RUBCNL: variants seen among roughly 807,000 people sequenced by gnomAD.
RUBCNL encodes the protein protein associated with UVRAG as autophagy enhancer.
Under a neutral mutation model 69.5 loss-of-function variants are expected in RUBCNL, and 62 were observed. That is an observed-to-expected ratio of 0.89 (90% CI 0.73 to 1.10). The LOEUF (loss-of-function observed/expected upper bound fraction) is 1.10, where lower values mean the gene tolerates loss of function less well. Among genes scored for constraint, RUBCNL ranks in the 50% least tolerant of loss-of-function variants. RUBCNL has a pLI of 0.00. For missense variants in RUBCNL, 768 were observed against 798.1 expected, an observed-to-expected ratio of 0.96 and a Z score of 0.45; for synonymous variants, 291 against 303.6, an observed-to-expected ratio of 0.96 and a Z score of 0.43.
chr13:46,345,152 T>C (rs576265603), intron 13 of RUBCNL, among the ~76,000 whole-genome samples: 1 of 152,340 alleles, frequency 6.6e-6, no homozygotes, highest in East Asian at 1.9e-4. Flanking sequence ...AGCCTCCTGT[T>C]CCATTGAATC....
At chr13:46,383,721 A>G (rs1314099202) in intron 1 of RUBCNL, among the ~76,000 whole-genome samples, 2 of 152,246 alleles carry the variant, frequency 1.3e-5, no homozygotes, top group Non-Finnish European at 2.9e-5. Flanking sequence ...TCAGTATATG[A>G]GCCAAACCCA....
rs1351750613 is a variant in RUBCNL at position 46,339,296 on chromosome 13, T to C, written c.*4089A>G. Among the ~76,000 whole-genome samples the C allele has an allele frequency of 1.3e-5, 2 of 152,202 alleles. No individual in the cohort carries two copies. Among genetic ancestry groups the C allele is most frequent in the South Asian group, 2.1e-4 (1 of 4,834 alleles). ...AGGGGAACTACGGTTTTCCTTCCCA[T>C]ACCAGTTGAGAAATTATTTAAAGAC... On this transcript the variant is annotated 3_prime_UTR_variant, in exon 15 of 15. Transcript: ENST00000429979.
rs1216707087 is a variant in RUBCNL, at chr13:46,338,811, C to G, written c.*4574G>C. On this transcript the variant is annotated 3_prime_UTR_variant, in exon 15 of 15. Coordinates refer to ENST00000429979, the MANE Select transcript of RUBCNL (RefSeq NM_025113.5). The stretch of plus-strand genomic sequence containing the variant: ...GTGGCTCACACCTGTAATCCAAGCA[C>G]TTTGGGAGGCCGAGGCGGGTAGATC... Among the ~76,000 whole-genome samples the G allele has an allele frequency of 6.6e-6, 1 of 152,056 alleles. No individual in the cohort carries two copies. Among genetic ancestry groups the G allele is most frequent in the Non-Finnish European group, 1.5e-5 (1 of 68,014 alleles).
chr13:46,361,635 T>C (rs1402766500), intron 7 of RUBCNL, 62 bp from the exon 8 acceptor site: 11 of 1,514,176 alleles, frequency 7.3e-6, no homozygotes, highest in Non-Finnish European at 9.0e-6. Flanking sequence ...TTCAGGGTCT[T>C]CCTGAGGTTT....
Position 46,361,502 on chromosome 13 carries a change from C to T in RUBCNL, c.1058G>A (p.Cys353Tyr), listed in dbSNP as rs1219370049. Reference sequence around the variant, plus strand: ...AGAATTAACTACTGACAGTATCCAGCACTTCTGGAACACGCGGTACAGCTC... The same window carrying T: ...AGAATTAACTACTGACAGTATCCAGTACTTCTGGAACACGCGGTACAGCTC... ...AKELYRVFQK[C>Y]WILSVVNSQL... The change falls in exon 8 of 15, where the codon TGC becomes TAC. Residue 353 changes from cysteine (C) to tyrosine (Y), a missense_variant. Cys to Tyr is a radical substitution (Grantham distance 194, BLOSUM62 -2). Coordinates refer to ENST00000429979, the MANE Select transcript of RUBCNL (RefSeq NM_025113.5). 2 of 1,613,864 alleles carry T rather than the reference C, an allele frequency of 1.2e-6. No individual in the cohort carries two copies. The highest frequency in any genetic ancestry group is 1.7e-6 in the Non-Finnish European group (2 of 1,179,820).
At chr13:46,383,197 A>C (rs1289424069) in intron 1 of RUBCNL, among the ~76,000 whole-genome samples, 1 of 152,226 alleles carries the variant, frequency 6.6e-6, no homozygotes, top group Non-Finnish European at 1.5e-5. Context: ...GTTTTCTAAA[A>C]ACCTTCAATT....
chr13:46,387,041 T>TCCA (rs1388281129), intron 1 of RUBCNL, 93 bp downstream of exon 1: 1 of 955,332 alleles, frequency 1.0e-6, no homozygotes, highest in Non-Finnish European at 1.2e-6. Context: ...ACTTCCACCA[T>TCCA]CCAACCTCTC....
chr13:46,343,572 T>A, intron 14 of RUBCNL, 75 bp from the exon 15 acceptor site: 1 of 1,475,940 alleles, frequency 6.8e-7, no homozygotes, highest in East Asian at 2.3e-5. Context: ...TTCGTCTCCA[T>A]CCTAGGGAGG....
In RUBCNL at chr13:46,377,691, G is replaced by A. The variant is rs372319625; in HGVS notation, c.-123+199C>T. ...ACCAACGTCCTCATAAAAAACAACC[G>A]TCAAAAGCAGGTGCTTTCTTCACTT... On this transcript the variant is annotated intron_variant, in intron 2 of 14. Coordinates refer to ENST00000429979, the MANE Select transcript of RUBCNL (RefSeq NM_025113.5). 2.8e-4 allele frequency among the ~76,000 whole-genome samples: 43 copies of A among 152,330 alleles called. 1 individual carries two copies. The highest frequency in any genetic ancestry group is 9.1e-4 in the African/African-American group (38 of 41,568).
Position 46,339,731 on chromosome 13 carries a change from C to T in RUBCNL, c.*3654G>A, listed in dbSNP as rs574114777. On this transcript the variant is annotated 3_prime_UTR_variant, in exon 15 of 15. Coordinates refer to ENST00000429979, the MANE Select transcript of RUBCNL (RefSeq NM_025113.5). ...AAAATTATCCAGGCCTGGTGGCGTGCGCCTGCAATCCCAGCTACTCGGGAG... is the reference window on the plus strand; with the variant it reads ...AAAATTATCCAGGCCTGGTGGCGTGTGCCTGCAATCCCAGCTACTCGGGAG... Among the ~76,000 whole-genome samples the T allele has an allele frequency of 1.7e-4, 26 of 152,090 alleles. No homozygotes were observed. The highest frequency in any genetic ancestry group is 5.3e-4 in the African/African-American group (22 of 41,492).
At chr13:46,359,079 C>T (rs2048553583) in intron 9 of RUBCNL, among the ~76,000 whole-genome samples, 1 of 151,974 alleles carries the variant, frequency 6.6e-6, no homozygotes, top group African/African-American at 2.4e-5. Flanking sequence ...AGGAGTCCAA[C>T]ACCAGCCTGG....
In RUBCNL at chr13:46,381,372, C is replaced by CATATAT. The variant is rs748468393; in HGVS notation, c.-238-3373_-238-3368dup. 7.6e-3 allele frequency among the ~76,000 whole-genome samples: 1,143 copies of CATATAT among 149,604 alleles called. 18 individuals carry two copies. The highest frequency in any genetic ancestry group is 0.026 in the African/African-American group (1,073 of 40,806). ...AAAAAGCCAGAAACAAAAGACATTT[C>CATATAT]ATATATATATATATATAAAATGTCC... On this transcript the variant is annotated intron_variant, in intron 1 of 14. Coordinates refer to ENST00000429979, the MANE Select transcript of RUBCNL (RefSeq NM_025113.5).
At chr13:46,366,726 GGAAAGA>G (rs1456671584) in intron 5 of RUBCNL, among the ~76,000 whole-genome samples, 1 of 152,074 alleles carries the variant, frequency 6.6e-6, no homozygotes, top group East Asian at 1.9e-4. Context: ...GGTTTTCTTT[GGAAAGA>G]AGGGGATTGT....
intron 1 of RUBCNL, among the ~76,000 whole-genome samples, chr13:46,380,766 A>T (rs1376026964): frequency 6.6e-6 from 1 of 152,218 alleles, no homozygotes; most frequent in Non-Finnish European, 1.5e-5. Context: ...TACATACAGC[A>T]TATGTAAAAA....
At chr13:46,363,345 T>TC (rs1161731026) in intron 5 of RUBCNL, 132 bp from the exon 6 acceptor site, 1 of 350,550 alleles carries the variant, frequency 2.9e-6, no homozygotes, top group East Asian at 4.7e-5. Context: ...ACATTTCAAC[T>TC]TAAAGAATTA....
chr13:46,349,903 C>T (rs902065384), intron 11 of RUBCNL, among the ~76,000 whole-genome samples: 3 of 151,846 alleles, frequency 2.0e-5, no homozygotes, highest in Non-Finnish European at 2.9e-5. Context: ...AGGCTAGTCT[C>T]GAACTCCTGA....
chr13:46,352,703 C>T (rs2048396924), intron 10 of RUBCNL, among the ~76,000 whole-genome samples: 1 of 152,158 alleles, frequency 6.6e-6, no homozygotes, highest in African/African-American at 2.4e-5. Flanking sequence ...ACTTGGGAGG[C>T]TGAGGCAGGA....
At position 46,334,921 on chromosome 13, in the gene RUBCNL, AC is replaced by A. The variant is rs1230779745; in HGVS notation, c.*8463del. 1.3e-5 allele frequency among the ~76,000 whole-genome samples: 2 copies of A among 152,114 alleles called. No homozygotes were observed. Among genetic ancestry groups the A allele is most frequent in the African/African-American group, 2.4e-5 (1 of 41,406 alleles). On this transcript the variant is annotated 3_prime_UTR_variant, in exon 15 of 15. Coordinates refer to ENST00000429979, the MANE Select transcript of RUBCNL (RefSeq NM_025113.5). ...ATTCTGGATCACTTAGACTCACTGT[AC>A]CCCAAAGGAAAGTGGGGGAAGATTT... is the stretch of plus-strand genomic sequence containing the variant.
rs1251619163 is a variant in RUBCNL at position 46,342,788 on chromosome 13, G to A, written c.*597C>T. 1.3e-5 allele frequency: 2 copies of A among 152,286 alleles called. No individual in the cohort carries two copies. The highest frequency in any genetic ancestry group is 4.8e-5 in the African/African-American group (2 of 41,430). 9.4% of individuals were successfully genotyped at this position (152,286 alleles called of 1,614,324 possible). A position where few individuals can be genotyped will look rare whatever the true frequency, so the allele number is the denominator to read the frequency against. ...CAGTTGCTTCAAACTGCACTTCAAC[G>A]GGACCCACACGCCCTGCTAAGCAAC... is the stretch of plus-strand genomic sequence containing the variant. On this transcript the variant is annotated 3_prime_UTR_variant, in exon 15 of 15. Coordinates refer to ENST00000429979, the MANE Select transcript of RUBCNL (RefSeq NM_025113.5).
Sources: allele counts gnomAD v4.1 joint callset (sites outside exome capture counted in the v4.1 genomes callset), GRCh38; gene constraint gnomAD v4.1.1; transcripts MANE v1.5; gene names NCBI Gene and HGNC (gene_info 2026-07-23, HGNC 2026-07-21).